The following JAK3 variants were observed in gnomAD, a reference collection of about 807,000 sequenced individuals.
The protein encoded by JAK3 is Janus kinase 3, also known as tyrosine-protein kinase JAK3.
Under a neutral mutation model 120.8 loss-of-function variants are expected in JAK3, and 88 were observed. The observed-to-expected ratio is 0.73, with a 90% CI of 0.61 to 0.87. The LOEUF is 0.87. Ranked by LOEUF, JAK3 falls within the 40% of genes least tolerant of loss-of-function variation. The pLI is 0.00. For synonymous variants in JAK3, 592 were observed against 628.6 expected, an observed-to-expected ratio of 0.94 and a Z score of 0.87; for missense variants, 1,254 against 1,501.4, an observed-to-expected ratio of 0.84 and a Z score of 2.72.
chr19:17,840,081 T>G, intron 9 of JAK3, 149 bp downstream of exon 9: 1 of 704,412 alleles, frequency 1.4e-6, no homozygotes, highest in South Asian at 1.5e-5. Flanking sequence ...TTCCAGTCTT[T>G]AGACCTTTGA....
In JAK3 at chr19:17,831,700, G is replaced by A; in HGVS notation, c.2779C>T (p.Leu927Phe). The change falls in exon 20 of 24, where the codon CTT (leucine) becomes TTT (phenylalanine). Residue 927 changes from leucine (L) to phenylalanine (F), a missense_variant. This residue lies in a region of JAK3 where 630 missense variants were observed against 819.8 expected (regional missense o/e 0.77). Coordinates refer to ENST00000458235, the MANE Select transcript of JAK3 (RefSeq NM_000215.4). This position sits in a 1 kb window ranked among gnomAD's most constrained non-coding sequence, Gnocchi z 5.1. ...TTGCAGATCTGCGAGGAATAGAGAA[G>A]GAGGCGGCTGGCATCGAGGCGCGCG... ...HRARLDASRL[L>F]LYSSQICKGM... is the part of the protein sequence containing the mutation. The A allele has an allele frequency of 6.2e-7, 1 of 1,610,114 alleles. No individual in the cohort carries two copies. The highest frequency in any genetic ancestry group is 8.5e-7 in the Non-Finnish European group (1 of 1,178,838).
At chr19:17,827,779 G>C (rs956910683) in intron 23 of JAK3, among the ~76,000 whole-genome samples, 3 of 133,440 alleles carry the variant, frequency 2.2e-5, no homozygotes, top group African/African-American at 8.7e-5. Context: ...GCGTGTGCCT[G>C]TAATCCCAGC....
intron 22 of JAK3, 92 bp from the exon 23 acceptor site, chr19:17,830,310 G>A: frequency 9.5e-7 from 1 of 1,051,876 alleles, no homozygotes; most frequent in Non-Finnish European, 1.4e-6. Flanking sequence ...GGCCATCTGT[G>A]ATGGAGCGGG....
rs1220870550 is a variant in JAK3, at chr19:17,830,296, T to G, written c.3097-78A>C. 5.2e-6 allele frequency: 6 copies of G among 1,162,388 alleles called. No homozygotes were observed. The African/African-American group carries it at 6.2e-5, about 12-fold the overall frequency. 72.0% of individuals were successfully genotyped at this position (1,162,388 alleles called of 1,614,324 possible). On this transcript the variant is annotated intron_variant, in intron 22 of 23. Coordinates refer to ENST00000458235, the MANE Select transcript of JAK3 (RefSeq NM_000215.4). ...GGGGAGGGGCCACCCGTGGTGGGGGTAGGGGCCATCTGTGATGGAGCGGGG... is the reference window on the plus strand; with the variant it reads ...GGGGAGGGGCCACCCGTGGTGGGGGGAGGGGCCATCTGTGATGGAGCGGGG...
rs1216814401 is a variant in JAK3 at position 17,841,726 on chromosome 19, C to T, written c.898G>A (p.Asp300Asn). The change falls in exon 7 of 24, where the codon GAC (aspartate) becomes AAC (asparagine). Residue 300 changes from aspartate to asparagine, a missense_variant. This residue lies in a region of JAK3 where 486 missense variants were observed against 503.0 expected (regional missense o/e 0.97). Transcript: ENST00000458235. This position sits in a 1 kb window ranked among gnomAD's most constrained non-coding sequence, Gnocchi z 4.1. ...QPFCDFPEIV[D>N]ISIKQAPRVG... Reference sequence around the variant, plus strand: ...CGCGGGGCCTGCTTGATGCTAATGTCTACGATTTCTGGAAAGTCGCAGAAG... The same window carrying T: ...CGCGGGGCCTGCTTGATGCTAATGTTTACGATTTCTGGAAAGTCGCAGAAG... 3 of 1,611,860 alleles carry T rather than the reference C, an allele frequency of 1.9e-6. No homozygotes were observed. Among genetic ancestry groups the T allele is most frequent in the Non-Finnish European group, 2.5e-6 (3 of 1,179,986 alleles).
At position 17,843,308 on chromosome 19, in the gene JAK3, G is replaced by A. The variant is rs938735515; in HGVS notation, c.420+72C>T. On this transcript the variant is annotated intron_variant, in intron 4 of 23. Transcript: ENST00000458235. The surrounding 1 kb of genome is among the most constrained non-coding windows in gnomAD (Gnocchi z 5.4). ...GGGAGGGTCAGACGAGGCCCCACCTGATTGCATGCCAGTCCTCATGTTGCC... is the reference window on the plus strand; with the variant it reads ...GGGAGGGTCAGACGAGGCCCCACCTAATTGCATGCCAGTCCTCATGTTGCC... The A allele has an allele frequency of 4.0e-6, 6 of 1,516,678 alleles. No individual in the cohort carries two copies. Among genetic ancestry groups the A allele is most frequent in the African/African-American group, 1.4e-5 (1 of 72,358 alleles). 94.0% of individuals were successfully genotyped at this position (1,516,678 alleles called of 1,614,324 possible).
chr19:17,830,637 G>T lies in JAK3; in HGVS notation c.2979-17C>A. 1 of 1,597,394 alleles carries T rather than the reference G, an allele frequency of 6.3e-7. No homozygotes were observed. Among genetic ancestry groups the T allele is most frequent in the South Asian group, 1.1e-5 (1 of 90,720 alleles). ...GGGGCATACCTGGAGAGGGGACAAGGTCTTGAGATGCGAGGGTGTAGAAAG... is the reference window on the plus strand; with the variant it reads ...GGGGCATACCTGGAGAGGGGACAAGTTCTTGAGATGCGAGGGTGTAGAAAG... On this transcript the variant is annotated splice_polypyrimidine_tract_variant and intron_variant, in intron 21 of 23. Coordinates refer to ENST00000458235, the MANE Select transcript of JAK3 (RefSeq NM_000215.4).
At chr19:17,844,693 A>G (rs994996496) in intron 1 of JAK3, among the ~76,000 whole-genome samples, 10 of 151,196 alleles carry the variant, frequency 6.6e-5, no homozygotes, top group African/African-American at 2.4e-4. Context: ...GCAACTCGGG[A>G]GGCTGAGGCA....
rs200855932 is a variant in JAK3 at position 17,831,775 on chromosome 19, T to A, written c.2704A>T (p.Met902Leu). 3.7e-6 allele frequency: 6 copies of A among 1,612,748 alleles called. No individual in the cohort carries two copies. Among genetic ancestry groups the A allele is most frequent in the Middle Eastern group, 1.7e-4 (1 of 6,060 alleles). ...AAGCAGCCGCTGGGCAGGTACTCCA[T>A]GACCAGCCGCAGGCTCTGGCGGCCT... ...GPGRQSLRLV[M>L]EYLPSGCLRD... The change falls in exon 20 of 24, where the codon ATG (methionine) becomes TTG (leucine). Residue 902 changes from methionine to leucine, a missense_variant. Coordinates refer to ENST00000458235, the MANE Select transcript of JAK3 (RefSeq NM_000215.4). This position sits in a 1 kb window ranked among gnomAD's most constrained non-coding sequence, Gnocchi z 5.1.
chr19:17,847,204 G>A (rs2147704701), intron 1 of JAK3, among the ~76,000 whole-genome samples: 1 of 152,082 alleles, frequency 6.6e-6, no homozygotes, highest in East Asian at 1.9e-4. Flanking sequence ...AGCCCCAGTC[G>A]AGTTTAAAAT....
chr19:17,846,911 G>GC (rs567413488), intron 1 of JAK3, among the ~76,000 whole-genome samples: 34 of 150,122 alleles, frequency 2.3e-4, no homozygotes, highest in African/African-American at 7.6e-4. Flanking sequence ...TATTTTGTAG[G>GC]GGGGAGGACG....
chr19:17,844,695 G>T (rs1028191856), intron 1 of JAK3, among the ~76,000 whole-genome samples: 7 of 151,802 alleles, frequency 4.6e-5, no homozygotes, highest in African/African-American at 1.7e-4. Flanking sequence ...AACTCGGGAG[G>T]CTGAGGCAGG....
intron 13 of JAK3, 115 bp from the exon 14 acceptor site, chr19:17,836,166 C>T: frequency 8.3e-7 from 1 of 1,206,492 alleles, no homozygotes; most frequent in Non-Finnish European, 1.2e-6. Context: ...TGTCTGTTCC[C>T]TCCCCTGCTG....
Position 17,831,159 on chromosome 19 carries a change from G to T in JAK3, c.2978+69C>A. 1 of 1,529,646 alleles carries T rather than the reference G, an allele frequency of 6.5e-7. No individual in the cohort carries two copies. The highest frequency in any genetic ancestry group is 2.1e-4 in the Middle Eastern group (1 of 4,832). 94.8% of individuals were successfully genotyped at this position (1,529,646 alleles called of 1,614,324 possible). ...GGGGAGCAAAGCAGCGGGAGGGGGC[G>T]GGGGCATGGCTGGGGGCGGAGCCAG... On this transcript the variant is annotated intron_variant, in intron 21 of 23. Transcript: ENST00000458235. This position sits in a 1 kb window ranked among gnomAD's most constrained non-coding sequence, Gnocchi z 5.1.
chr19:17,842,920 T>C lies in JAK3; in HGVS notation c.566+107A>G. On this transcript the variant is annotated intron_variant, in intron 5 of 23. Transcript: ENST00000458235. This position sits in a 1 kb window ranked among gnomAD's most constrained non-coding sequence, Gnocchi z 6.4. ...GAGGCCCTGGGTCATAGGAACACCC[T>C]GAAAGCTTGCAGGAGAACTCCATGG... is the stretch of plus-strand genomic sequence containing the variant. 6.7e-7 allele frequency: 1 copy of C among 1,502,856 alleles called. No homozygotes were observed. The highest frequency in any genetic ancestry group is 1.7e-5 in the Admixed American group (1 of 59,134). The allele number at this position is 1,502,856 out of a possible 1,614,324, so 93.1% of individuals were successfully genotyped here.
chr19:17,838,712 A>ATTT (rs35486965), intron 10 of JAK3, among the ~76,000 whole-genome samples: 6,715 of 99,234 alleles, frequency 0.068, 337 homozygotes, highest in East Asian at 0.12. Flanking sequence ...TGCCCGGCTA[A>ATTT]TTTTTTTTTT....
Position 17,831,110 on chromosome 19 carries a change from C to T in JAK3, c.2978+118G>A. 3.0e-6 allele frequency: 3 copies of T among 1,012,300 alleles called. No homozygotes were observed. Among genetic ancestry groups the T allele is most frequent in the African/African-American group, 4.7e-5 (2 of 42,310 alleles). The allele number at this position is 1,012,300 out of a possible 1,614,324, so 62.7% of individuals were successfully genotyped here. On this transcript the variant is annotated intron_variant, in intron 21 of 23. Transcript: ENST00000458235. This position sits in a 1 kb window ranked among gnomAD's most constrained non-coding sequence, Gnocchi z 5.1. ...GGAGTGGGAGGGGCCAAAGCTGCAG[C>T]GGAGGAAGGGCGGGGCTAAGGCTGG...
At chr19:17,827,589 C>T (rs1694550356) in intron 23 of JAK3, among the ~76,000 whole-genome samples, 1 of 151,598 alleles carries the variant, frequency 6.6e-6, no homozygotes, top group Non-Finnish European at 1.5e-5. Context: ...TCATGTAATC[C>T]ACCCACCTCG....
At chr19:17,827,239 A>G (rs947941806) in intron 23 of JAK3, among the ~76,000 whole-genome samples, 23 of 152,114 alleles carry the variant, frequency 1.5e-4, no homozygotes, top group Non-Finnish European at 2.9e-4. Context: ...TTGGCCTCCC[A>G]AAGTGCTGGG....
Sources: gnomAD v4.1 joint callset for allele counts (sites outside exome capture counted in the v4.1 genomes callset) on GRCh38, gnomAD v4.1.1 for gene constraint, gnomAD v4.1.1 regional missense constraint, Gnocchi (gnomAD v3.1) non-coding constraint, MANE v1.5 for transcripts, NCBI Gene and HGNC (gene_info 2026-07-23, HGNC 2026-07-21) for gene names.